Variants in MACROD2 observed in about 807,000 individuals in gnomAD.
MACROD2 encodes ADP-ribose glycohydrolase MACROD2.
MACROD2 carries 36 observed loss-of-function variants against 70.4 expected under a neutral mutation model. The observed-to-expected ratio is 0.51, with a 90% CI of 0.39 to 0.68. The LOEUF (loss-of-function observed/expected upper bound fraction) is 0.68. Among genes scored for constraint, MACROD2 ranks in the 30% least tolerant of loss-of-function variants. The probability of loss-of-function intolerance (pLI) is 0.00; values close to 1 mark genes in which losing one functional copy is unlikely to be tolerated. For synonymous variants in MACROD2, 172 were observed against 178.8 expected (o/e 0.96, Z 0.30); for missense variants, 496 against 538.4 (o/e 0.92, Z 0.78).
chr20:15,369,461 G>A (rs16995616), intron 6 of MACROD2, among the ~76,000 whole-genome samples: 4,724 of 152,006 alleles, frequency 0.031, 244 homozygotes, highest in African/African-American at 0.11. Context: ...TGTATCTTTT[G>A]CAAAAATAAG....
intron 6 of MACROD2, among the ~76,000 whole-genome samples, chr20:15,349,114 T>A (rs1364760360): frequency 1.3e-5 from 2 of 152,196 alleles, no homozygotes; most frequent in East Asian, 3.9e-4. Flanking sequence ...CTTTTTTAAC[T>A]TGGCCTTCAT....
chr20:15,656,698 T>G (rs1326424954), intron 8 of MACROD2, among the ~76,000 whole-genome samples: 1 of 152,078 alleles, frequency 6.6e-6, no homozygotes, highest in Non-Finnish European at 1.5e-5. Context: ...GGAGGGAGTT[T>G]TTTTCACCTG....
chr20:14,409,112 C>T, intron 3 of MACROD2, among the ~76,000 whole-genome samples: 1 of 147,912 alleles, frequency 6.8e-6, no homozygotes, highest in African/African-American at 2.5e-5. Context: ...TTTGCCTGGG[C>T]TTGCTCTACG....
At chr20:15,105,573 G>C (rs749676410) in intron 5 of MACROD2, among the ~76,000 whole-genome samples, 2 of 152,022 alleles carry the variant, frequency 1.3e-5, no homozygotes, top group Non-Finnish European at 2.9e-5. Context: ...GAACATATGT[G>C]CCCTCTAACA....
intron 5 of MACROD2, among the ~76,000 whole-genome samples, chr20:14,845,476 A>T (rs907483398): frequency 2.6e-5 from 4 of 152,064 alleles, no homozygotes; most frequent in Non-Finnish European, 5.9e-5. Flanking sequence ...CCACCCTCTC[A>T]CAAGCAGATA....
intron 6 of MACROD2, among the ~76,000 whole-genome samples, chr20:15,343,824 A>G (rs554445124): frequency 6.6e-6 from 1 of 152,300 alleles, no homozygotes; most frequent in Admixed American, 6.5e-5. Flanking sequence ...ATAGAGATCA[A>G]CTGTAACATC....
rs1018697635 is a variant in MACROD2, at chr20:14,798,667, T to G, written c.418+113708T>G. Among the ~76,000 whole-genome samples the G allele has an allele frequency of 5.9e-5, 9 of 152,150 alleles. No individual in the cohort carries two copies. The South Asian group carries it at 6.2e-4, about 10-fold the overall frequency. On this transcript the variant is annotated intron_variant, in intron 5 of 17. Coordinates refer to ENST00000684519, the MANE Select transcript of MACROD2 (RefSeq NM_001351661.2). ...TGTAATTTATAATTTAGGAAGTAAA[T>G]TGATTTCTGTGTCTTTCTGACAAAT...
rs1002886980 is a variant in MACROD2, at chr20:14,814,797, C to T, written c.418+129838C>T. Among the ~76,000 whole-genome samples the T allele has an allele frequency of 6.6e-5, 10 of 151,678 alleles. No homozygotes were observed. The East Asian group carries it at 7.7e-4, about 12-fold the overall frequency. On this transcript the variant is annotated intron_variant, in intron 5 of 17. Transcript: ENST00000684519. ...GATAATCAAAGAAATAATTGCAGAG[C>T]GTGGCACTGAGTATGATGATAAAAG...
At chr20:14,237,902 C>G (rs1601386787) in intron 3 of MACROD2, among the ~76,000 whole-genome samples, 1 of 151,926 alleles carries the variant, frequency 6.6e-6, no homozygotes, top group Non-Finnish European at 1.5e-5. Context: ...GCATAGTATT[C>G]CATGGTGTAT....
chr20:15,972,880 A>G (rs752757844), intron 13 of MACROD2, among the ~76,000 whole-genome samples: 1 of 152,202 alleles, frequency 6.6e-6, no homozygotes, highest in South Asian at 2.1e-4. Flanking sequence ...AATGACATGC[A>G]AAAACATGAT....
At chr20:14,000,123 T>A (rs560522081) in intron 1 of MACROD2, among the ~76,000 whole-genome samples, 24 of 152,348 alleles carry the variant, frequency 1.6e-4, no homozygotes, top group African/African-American at 5.3e-4. Context: ...ACTTCCTAAA[T>A]ACTGTGTTTT....
intron 5 of MACROD2, among the ~76,000 whole-genome samples, chr20:14,824,843 G>GA (rs1330070122): frequency 2.0e-5 from 3 of 152,056 alleles, no homozygotes; most frequent in Admixed American, 6.6e-5. Flanking sequence ...TTCTCAGGCA[G>GA]AAAAAATAGT....
intron 5 of MACROD2, among the ~76,000 whole-genome samples, chr20:15,213,898 C>CT (rs796738594): frequency 3.0e-4 from 44 of 146,158 alleles, no homozygotes; most frequent in Non-Finnish European, 3.0e-4. Context: ...TTTCTGTTTT[C>CT]TTTTTTTTTT....
chr20:15,557,860 G>A (rs1302433458), intron 8 of MACROD2, among the ~76,000 whole-genome samples: 6 of 152,086 alleles, frequency 3.9e-5, no homozygotes, highest in Non-Finnish European at 7.4e-5. Flanking sequence ...GGCACATTTT[G>A]CTCCTTTGTT....
chr20:14,929,716 T>TC (rs766964629), intron 5 of MACROD2, among the ~76,000 whole-genome samples: 70 of 152,176 alleles, frequency 4.6e-4, no homozygotes, highest in South Asian at 1.9e-3. Flanking sequence ...CTGAGTCACC[T>TC]TATTAACGTA....
intron 4 of MACROD2, among the ~76,000 whole-genome samples, chr20:14,640,680 A>T (rs959162851): frequency 4.6e-5 from 7 of 152,224 alleles, no homozygotes; most frequent in Non-Finnish European, 4.4e-5. Flanking sequence ...TAAGTTATGC[A>T]ATTTTTTTGG....
At chr20:14,945,968 G>T (rs2074428329) in intron 5 of MACROD2, among the ~76,000 whole-genome samples, 1 of 152,156 alleles carries the variant, frequency 6.6e-6, no homozygotes, top group South Asian at 2.1e-4. Flanking sequence ...AGCACTTTGG[G>T]AGGCCGAGGT....
chr20:15,242,924 G>A (rs919943395), intron 6 of MACROD2, among the ~76,000 whole-genome samples: 3 of 152,178 alleles, frequency 2.0e-5, no homozygotes, highest in African/African-American at 7.2e-5. Context: ...GAAGGAAACA[G>A]AATTGGGCAG....
At chr20:14,720,488 A>G (rs2071451923) in intron 5 of MACROD2, among the ~76,000 whole-genome samples, 1 of 130,012 alleles carries the variant, frequency 7.7e-6, no homozygotes, top group African/African-American at 2.8e-5. Context: ...GCCTAAAGGT[A>G]GTAGATTTAT....
Sources: gnomAD v4.1 joint callset for allele counts (sites outside exome capture counted in the v4.1 genomes callset) on GRCh38, gnomAD v4.1.1 for gene constraint, MANE v1.5 for transcripts, NCBI Gene and HGNC (gene_info 2026-07-23, HGNC 2026-07-21) for gene names.